The following PBX1 variants were observed in gnomAD, a reference collection of about 807,000 sequenced individuals.
The protein encoded by PBX1 is pre-B-cell leukemia transcription factor 1.
A neutral mutation model predicts 53.4 loss-of-function variants in PBX1; 6 were observed. The observed-to-expected ratio is 0.11, with a 90% CI of 0.06 to 0.22. PBX1 has a LOEUF of 0.22. PBX1 is among the 10% of genes least tolerant of loss of function. PBX1 has a pLI of 1.00. For missense variants in PBX1, 251 were observed against 551.4 expected (o/e 0.46, Z 5.46); for synonymous variants, 204 against 212.3 (o/e 0.96, Z 0.34).
At chr1:164,635,773 G>A (rs575739782) in intron 2 of PBX1, among the ~76,000 whole-genome samples, 44 of 152,278 alleles carry the variant, frequency 2.9e-4, no homozygotes, top group Admixed American at 1.2e-3. Context: ...CGTAGAGACC[G>A]GTGTCTCCTA....
chr1:164,776,938 G>A lies in PBX1; in HGVS notation c.266-15556G>A, dbSNP rs1201522830. Among the ~76,000 whole-genome samples, 504 of 110,054 alleles carry A rather than the reference G, an allele frequency of 4.6e-3. 45 individuals carry two copies. In the East Asian group the frequency reaches 0.074, roughly 16 times the overall value. The allele number at this position is 110,054 out of a possible 152,430, so 72.2% of individuals were successfully genotyped here. On this transcript the variant is annotated intron_variant, in intron 2 of 8. Transcript: ENST00000420696. ...GTGTGTGTGTGTGTGTGTGTGTGGT[G>A]GGAGGAGAGAGAGAGAGAGAGAGAG... is the stretch of plus-strand genomic sequence containing the variant.
intron 8 of PBX1, among the ~76,000 whole-genome samples, chr1:164,835,826 G>A (rs1307457563): frequency 1.3e-5 from 2 of 152,048 alleles, no homozygotes; most frequent in Non-Finnish European, 2.9e-5. Flanking sequence ...AAAACTAAAG[G>A]CAGATCTGTA....
chr1:164,633,154 C>CT (rs59864546), intron 2 of PBX1, among the ~76,000 whole-genome samples: 8,762 of 144,556 alleles, frequency 0.061, 326 homozygotes, highest in Admixed American at 0.087. Flanking sequence ...TCTTTCTTTT[C>CT]TTTTTTTTTT....
intron 8 of PBX1, 151 bp downstream of exon 8, chr1:164,821,777 G>A (rs986181224): frequency 2.3e-5 from 16 of 689,418 alleles, no homozygotes; most frequent in Middle Eastern, 2.6e-4. Context: ...TCATGCCATC[G>A]GCAGCATTCT....
chr1:164,677,083 A>AT (rs767622214), intron 2 of PBX1, among the ~76,000 whole-genome samples: 35 of 99,720 alleles, frequency 3.5e-4, no homozygotes, highest in South Asian at 8.4e-4. Flanking sequence ...ACTGCTTGAC[A>AT]TTTTTTTTTT....
intron 2 of PBX1, among the ~76,000 whole-genome samples, chr1:164,785,958 T>C (rs189828862): frequency 1.8e-4 from 28 of 152,328 alleles, no homozygotes; most frequent in African/African-American, 6.7e-4. Context: ...AGTGTAGTTT[T>C]GCTTGTTTAG....
intron 8 of PBX1, among the ~76,000 whole-genome samples, chr1:164,834,312 G>A (rs1670921285): frequency 6.7e-6 from 1 of 148,980 alleles, no homozygotes; most frequent in South Asian, 2.2e-4. Flanking sequence ...TGATCTTGTT[G>A]TTTAGCCTGT....
At chr1:164,795,751 G>C (rs1199905611) in intron 3 of PBX1, among the ~76,000 whole-genome samples, 1 of 152,086 alleles carries the variant, frequency 6.6e-6, no homozygotes, top group Non-Finnish European at 1.5e-5. Context: ...TCCTGTAACA[G>C]TTCCTTATGG....
rs200931470 is a variant in PBX1, at chr1:164,625,809, TAAAAAAAAAAAA to T, written c.265+62502_265+62513del. 309 of 288,430 alleles carry T rather than the reference TAAAAAAAAAAAA, an allele frequency of 1.1e-3. 3 individuals carry two copies. In the East Asian group the frequency reaches 0.029, roughly 27 times the overall value. The allele number at this position is 288,430 out of a possible 1,614,324, so 17.9% of individuals were successfully genotyped here. ...TTATAATGAGATCCCTGATGGGATT[TAAAAAAAAAAAA>T]AAAGAAAAAAAACACCTTACATGAA... On this transcript the variant is annotated intron_variant, in intron 2 of 8. Transcript: ENST00000420696.
At chr1:164,859,616 TTG>T (rs1335553011) in intron 2 of PBX1, among the ~76,000 whole-genome samples, 1 of 152,200 alleles carries the variant, frequency 6.6e-6, no homozygotes, top group Non-Finnish European at 1.5e-5. Flanking sequence ...GCTGAAAAGT[TTG>T]TGAGTCCTCT....
At chr1:164,666,235 C>T (rs1199705847) in intron 2 of PBX1, among the ~76,000 whole-genome samples, 2 of 152,158 alleles carry the variant, frequency 1.3e-5, no homozygotes, top group Non-Finnish European at 2.9e-5. Flanking sequence ...TGCCACTTGG[C>T]GTCTCAGCCC....
At chr1:164,617,611 T>C (rs1304678431) in intron 2 of PBX1, among the ~76,000 whole-genome samples, 1 of 152,212 alleles carries the variant, frequency 6.6e-6, no homozygotes, top group East Asian at 1.9e-4. Flanking sequence ...TGTAAATCTC[T>C]CAGAGGGGTG....
intron 2 of PBX1, among the ~76,000 whole-genome samples, chr1:164,566,864 A>G (rs569791293): frequency 4.6e-5 from 7 of 152,260 alleles, no homozygotes; most frequent in African/African-American, 7.2e-5. Flanking sequence ...TTTTCAGCCA[A>G]TTTTCCTCTG....
chr1:164,765,211 A>G (rs1257109116), intron 2 of PBX1, among the ~76,000 whole-genome samples: 1 of 152,120 alleles, frequency 6.6e-6, no homozygotes, highest in Admixed American at 6.5e-5. Context: ...AGCCCTACCT[A>G]CTTCCATGAT....
intron 2 of PBX1, among the ~76,000 whole-genome samples, chr1:164,618,307 G>T (rs936491553): frequency 4.1e-5 from 6 of 146,856 alleles, no homozygotes; most frequent in South Asian, 2.2e-4. Flanking sequence ...CGGGGGGGGG[G>T]GGGCACTCAA....
chr1:164,797,559 T>A (rs1402234333), intron 3 of PBX1, among the ~76,000 whole-genome samples: 2 of 152,138 alleles, frequency 1.3e-5, no homozygotes, highest in Admixed American at 1.3e-4. Flanking sequence ...GAGAGTAACA[T>A]GCTATAAGGA....
intron 2 of PBX1, among the ~76,000 whole-genome samples, chr1:164,614,276 T>C (rs1306793272): frequency 6.6e-6 from 1 of 152,130 alleles, no homozygotes; most frequent in Non-Finnish European, 1.5e-5. Flanking sequence ...TGATGCAAAG[T>C]GTGGTTAAGT....
chr1:164,865,494 G>T (rs1041066985), intron 2 of PBX1, among the ~76,000 whole-genome samples: 4 of 152,174 alleles, frequency 2.6e-5, no homozygotes, highest in African/African-American at 7.2e-5. Flanking sequence ...GGCAGGAAAA[G>T]TTACGTCTTC....
intron 2 of PBX1, among the ~76,000 whole-genome samples, chr1:164,686,911 C>G (rs540738618): frequency 6.6e-6 from 1 of 151,282 alleles, no homozygotes; most frequent in Non-Finnish European, 1.5e-5. Flanking sequence ...AAGCAGAGAT[C>G]GTGCCACTGC....
Sources: gnomAD v4.1 joint callset for allele counts (sites outside exome capture counted in the v4.1 genomes callset) on GRCh38, gnomAD v4.1.1 for gene constraint, MANE v1.5 for transcripts, NCBI Gene and HGNC (gene_info 2026-07-23, HGNC 2026-07-21) for gene names.